KLF8: variants seen among roughly 807,000 people sequenced by gnomAD.
KLF8 encodes KLF transcription factor 8.
In KLF8, 10 loss-of-function variants were observed where a neutral mutation model predicts 18.2. That is an observed-to-expected ratio of 0.55 (90% confidence interval 0.34 to 0.93). KLF8 has a LOEUF of 0.93. Ranked by LOEUF, KLF8 falls within the 40% of genes least tolerant of loss-of-function variation. The pLI is 0.02. For missense variants in KLF8, 264 were observed against 277.9 expected (o/e 0.95, Z 0.36); for synonymous variants, 109 against 97.3 (o/e 1.12, Z -0.71).
chrX:56,117,928 G>A, the KLF8 span, among the ~76,000 whole-genome samples: 1 of 111,484 alleles, frequency 9.0e-6, no homozygotes, highest in African/African-American at 3.3e-5. Flanking sequence ...TAAAATCAGG[G>A]TGCCAGAATA....
the KLF8 span, among the ~76,000 whole-genome samples, chrX:56,058,281 TATATA>T: frequency 1.4e-3 from 20 of 14,462 alleles, no homozygotes; most frequent in African/African-American, 5.7e-3. Flanking sequence ...TATATATACA[TATATA>T]TATATATATA....
the KLF8 span, among the ~76,000 whole-genome samples, chrX:56,042,456 C>A: frequency 9.0e-6 from 1 of 111,187 alleles, no homozygotes; most frequent in Non-Finnish European, 1.9e-5. Flanking sequence ...AGTACTCCCA[C>A]TATTTTTGTG....
chrX:56,042,989 A>T, the KLF8 span, among the ~76,000 whole-genome samples: 35 of 111,102 alleles, frequency 3.2e-4, no homozygotes, highest in African/African-American at 1.1e-3. Context: ...TTCCTTCAGG[A>T]CCTCTTGCAA....
the KLF8 span, among the ~76,000 whole-genome samples, chrX:56,099,856 A>G: frequency 8.9e-6 from 1 of 112,429 alleles, no homozygotes; most frequent in Middle Eastern, 4.6e-3. Flanking sequence ...AAAAGAAGCC[A>G]TTTCCATAAC....
the KLF8 span, among the ~76,000 whole-genome samples, chrX:56,060,133 A>G: frequency 3.6e-5 from 4 of 111,662 alleles, no homozygotes; most frequent in Non-Finnish European, 5.6e-5. Context: ...GATCTGCAAA[A>G]GAGACAATCT....
the KLF8 span, among the ~76,000 whole-genome samples, chrX:55,980,734 G>A: frequency 8.9e-6 from 1 of 111,877 alleles, no homozygotes; most frequent in Non-Finnish European, 1.9e-5. Context: ...CTCACTTTGT[G>A]CCCTAAAAGG....
rs1156789275 is a variant in KLF8, at chrX:56,237,419, T to TTG, written c.7+4092_7+4093dup. ...TATATATGTGTGTGTGTGTGTGTGT[T>TTG]TGTGTGTGTGTGTGTATATATATAT... On this transcript the variant is annotated intron_variant, in intron 1 of 5. Transcript: ENST00000468660. 4.7e-5 allele frequency among the ~76,000 whole-genome samples: 5 copies of TTG among 106,917 alleles called. No homozygotes were observed. The South Asian group carries it at 1.2e-3, about 26-fold the overall frequency. 92.8% of individuals were successfully genotyped at this position (106,917 alleles called of 115,157 possible).
At chrX:56,157,924 G>C in the KLF8 span, among the ~76,000 whole-genome samples, 1 of 111,868 alleles carries the variant, frequency 8.9e-6, no homozygotes, top group African/African-American at 3.2e-5. Flanking sequence ...TTTGTCTTTT[G>C]TTGCCATTGC....
chrX:55,997,915 C>T, the KLF8 span, among the ~76,000 whole-genome samples: 1 of 110,234 alleles, frequency 9.1e-6, no homozygotes, highest in Non-Finnish European at 1.9e-5. Context: ...TGGAGGATCC[C>T]GCCAGCCTCT....
At chrX:56,065,437 T>C in the KLF8 span, among the ~76,000 whole-genome samples, 2 of 112,287 alleles carry the variant, frequency 1.8e-5, no homozygotes, top group East Asian at 5.5e-4. Flanking sequence ...ATATCTATTT[T>C]TTGTAAATTT....
chrX:56,096,071 A>G, the KLF8 span, among the ~76,000 whole-genome samples: 1 of 111,866 alleles, frequency 8.9e-6, no homozygotes, highest in East Asian at 2.8e-4. Flanking sequence ...TGGATGATTG[A>G]ATAAAGAAAA....
At chrX:55,914,830 G>C in the KLF8 span, among the ~76,000 whole-genome samples, 2 of 111,431 alleles carry the variant, frequency 1.8e-5, no homozygotes, top group Non-Finnish European at 3.8e-5. Flanking sequence ...CACAACCCAG[G>C]AATCAACCAT....
the KLF8 span, among the ~76,000 whole-genome samples, chrX:56,065,660 C>T: frequency 6.3e-5 from 7 of 111,309 alleles, no homozygotes; most frequent in African/African-American, 2.3e-4. Flanking sequence ...ATCTAATGTA[C>T]AAATAGCTTC....
chrX:55,942,292 T>C, the KLF8 span, among the ~76,000 whole-genome samples: 1 of 110,352 alleles, frequency 9.1e-6, no homozygotes, highest in Non-Finnish European at 1.9e-5. Flanking sequence ...CCGCATTTTC[T>C]TACTCATAGG....
the KLF8 span, among the ~76,000 whole-genome samples, chrX:56,172,815 G>T: frequency 8.9e-6 from 1 of 111,756 alleles, no homozygotes; most frequent in Non-Finnish European, 1.9e-5. Context: ...GTGTGAGATG[G>T]TATCTCACTG....
At chrX:56,041,110 C>T in the KLF8 span, among the ~76,000 whole-genome samples, 2 of 107,557 alleles carry the variant, frequency 1.9e-5, no homozygotes, top group South Asian at 4.2e-4. Context: ...TGATGACATC[C>T]GCTTTATCCT....
the KLF8 span, among the ~76,000 whole-genome samples, chrX:55,987,177 GTTTC>G: frequency 2.9e-5 from 1 of 34,166 alleles, no homozygotes; most frequent in African/African-American, 4.2e-5. Flanking sequence ...TCTGTTTGAA[GTTTC>G]TTTTTTTTTT....
chrX:55,910,510 G>A, the KLF8 span, among the ~76,000 whole-genome samples: 1 of 111,848 alleles, frequency 8.9e-6, no homozygotes, highest in South Asian at 3.8e-4. Context: ...GAAGTAGCAA[G>A]TGCAAAGGCA....
At chrX:56,208,111 G>T in the KLF8 span, among the ~76,000 whole-genome samples, 1 of 111,309 alleles carries the variant, frequency 9.0e-6, no homozygotes, top group Non-Finnish European at 1.9e-5. Context: ...TATCCACATA[G>T]TCCTGCCCTT....
Sources: allele counts gnomAD v4.1 joint callset (sites outside exome capture counted in the v4.1 genomes callset), GRCh38; gene constraint gnomAD v4.1.1; transcripts MANE v1.5; gene names NCBI Gene and HGNC (gene_info 2026-07-23, HGNC 2026-07-21).